PRRG1: variants seen among roughly 807,000 people sequenced by gnomAD.
PRRG1 encodes the protein transmembrane gamma-carboxyglutamic acid protein 1.
Under a neutral mutation model 11.8 loss-of-function variants are expected in PRRG1, and 5 were observed. The observed-to-expected ratio is 0.42, with a 90% confidence interval of 0.22 to 0.89. PRRG1 has a LOEUF of 0.89. Among genes scored for constraint, PRRG1 ranks in the 40% least tolerant of loss-of-function variants. PRRG1 has a pLI of 0.28. For missense variants in PRRG1, 155 were observed against 166.1 expected, an observed-to-expected ratio of 0.93 and a Z score of 0.37; for synonymous variants, 66 against 60.4, an observed-to-expected ratio of 1.09 and a Z score of -0.43.
intron 2 of PRRG1, among the ~76,000 whole-genome samples, chrX:37,411,026 C>T (rs1356668578): frequency 1.8e-5 from 2 of 111,708 alleles, no homozygotes; most frequent in East Asian, 2.8e-4. Flanking sequence ...TATGTATAGA[C>T]TCACATAGCA....
chrX:37,357,984 A>G (rs572651973), intron 1 of PRRG1, among the ~76,000 whole-genome samples: 12 of 111,830 alleles, frequency 1.1e-4, no homozygotes, highest in African/African-American at 3.6e-4. Context: ...TTAACTTGCA[A>G]TTCTCTAATG....
chrX:37,378,332 G>A (rs1212192524), intron 1 of PRRG1, among the ~76,000 whole-genome samples: 2 of 111,793 alleles, frequency 1.8e-5, no homozygotes, highest in Non-Finnish European at 3.8e-5. Flanking sequence ...CGTTGTATCT[G>A]TGTGATCAGA....
chrX:37,433,618 CAT>C (rs1932855332), intron 3 of PRRG1, among the ~76,000 whole-genome samples: 1 of 110,586 alleles, frequency 9.0e-6, no homozygotes, highest in South Asian at 3.9e-4. Flanking sequence ...CTGTTAGCTC[CAT>C]GAGAGCAACA....
intron 1 of PRRG1, among the ~76,000 whole-genome samples, chrX:37,375,065 A>G (rs1556371714): frequency 8.9e-6 from 1 of 111,963 alleles, no homozygotes; most frequent in African/African-American, 3.2e-5. Context: ...GTTACATTTG[A>G]GTTCCTCTAG....
At chrX:37,354,590 T>C (rs1930179179) in intron 1 of PRRG1, among the ~76,000 whole-genome samples, 1 of 108,987 alleles carries the variant, frequency 9.2e-6, no homozygotes, top group East Asian at 2.9e-4. Flanking sequence ...AGACGGGTTT[T>C]CACCGTGTTA....
intron 2 of PRRG1, among the ~76,000 whole-genome samples, chrX:37,420,827 A>C (rs1473966150): frequency 9.0e-6 from 1 of 110,714 alleles, no homozygotes; most frequent in Non-Finnish European, 1.9e-5. Context: ...ACATCACTGC[A>C]CTCTAGCCTG....
chrX:37,448,033 G>T (rs781881994), intron 3 of PRRG1, among the ~76,000 whole-genome samples: 1 of 112,113 alleles, frequency 8.9e-6, no homozygotes, highest in Non-Finnish European at 1.9e-5. Context: ...ATTACATCAG[G>T]ACAGGTACCA....
At chrX:37,387,006 C>G (rs1380546735) in intron 1 of PRRG1, among the ~76,000 whole-genome samples, 5 of 111,356 alleles carry the variant, frequency 4.5e-5, no homozygotes, top group African/African-American at 1.6e-4. Context: ...TTTTTAATTC[C>G]TACTTCTCTG....
intron 1 of PRRG1, among the ~76,000 whole-genome samples, chrX:37,359,455 G>A (rs1316360515): frequency 2.7e-5 from 3 of 110,972 alleles, no homozygotes; most frequent in African/African-American, 6.5e-5. Flanking sequence ...ATTGGTTTTC[G>A]AATATTGAAC....
chrX:37,430,088 C>T (rs1420714241), intron 3 of PRRG1, among the ~76,000 whole-genome samples: 5 of 111,741 alleles, frequency 4.5e-5, no homozygotes, highest in Non-Finnish European at 3.8e-5. Context: ...GGGAAACAGC[C>T]AAACTATATC....
chrX:37,349,723 C>G (rs1415630284), intron 1 of PRRG1, among the ~76,000 whole-genome samples: 2 of 111,303 alleles, frequency 1.8e-5, no homozygotes, highest in African/African-American at 6.5e-5. Context: ...GCTTCAAGTT[C>G]AGTCCCCTGC....
chrX:37,388,059 C>T (rs1931391875), intron 1 of PRRG1, among the ~76,000 whole-genome samples: 1 of 112,040 alleles, frequency 8.9e-6, no homozygotes, highest in Admixed American at 9.4e-5. Flanking sequence ...AACCTCCAAC[C>T]TCCAAAATAA....
chrX:37,451,101 C>T (rs782158334), intron 3 of PRRG1, among the ~76,000 whole-genome samples: 2 of 111,922 alleles, frequency 1.8e-5, no homozygotes, highest in Admixed American at 9.5e-5. Context: ...CACCCGCAAC[C>T]TCCGCCTCCC....
chrX:37,453,112 A>T (rs1556396925), intron 3 of PRRG1, 24 bp from the exon 4 acceptor site: 1 of 1,151,608 alleles, frequency 8.7e-7, no homozygotes. Context: ...CTGATTTTCT[A>T]TTTATTTTGT....
chrX:37,402,141 A>C (rs1932015501), intron 1 of PRRG1, among the ~76,000 whole-genome samples: 1 of 111,636 alleles, frequency 9.0e-6, no homozygotes, highest in Non-Finnish European at 1.9e-5. Context: ...ACTACTTTAA[A>C]GTTCATATGG....
intron 1 of PRRG1, among the ~76,000 whole-genome samples, chrX:37,400,158 C>T (rs1350534352): frequency 1.8e-5 from 2 of 111,653 alleles, no homozygotes; most frequent in African/African-American, 6.5e-5. Context: ...GAACTCTTCA[C>T]CCCAAATCAA....
At chrX:37,375,545 A>G (rs1930909747) in intron 1 of PRRG1, among the ~76,000 whole-genome samples, 1 of 111,907 alleles carries the variant, frequency 8.9e-6, no homozygotes, top group African/African-American at 3.2e-5. Flanking sequence ...ATATTGTATG[A>G]GGTATTATAA....
chrX:37,397,615 A>G (rs1275892039), intron 1 of PRRG1, among the ~76,000 whole-genome samples: 1 of 112,427 alleles, frequency 8.9e-6, no homozygotes, highest in Non-Finnish European at 1.9e-5. Context: ...GAGGGAAAAT[A>G]TCACTATTGA....
intron 2 of PRRG1, among the ~76,000 whole-genome samples, chrX:37,407,630 C>A (rs370556542): frequency 8.9e-6 from 1 of 111,755 alleles, no homozygotes; most frequent in Non-Finnish European, 1.9e-5. Flanking sequence ...AGAAAGTTGT[C>A]GTTGGCATAA....
Sources: allele counts gnomAD v4.1 joint callset (sites outside exome capture counted in the v4.1 genomes callset), GRCh38; gene constraint gnomAD v4.1.1; transcripts MANE v1.5; gene names NCBI Gene and HGNC (gene_info 2026-07-23, HGNC 2026-07-21).